Variants in RGS7 observed in about 807,000 individuals in gnomAD.
The protein encoded by RGS7 is regulator of G protein signaling 7, also known as regulator of G-protein signaling 7.
RGS7 carries 27 observed loss-of-function variants against 81.1 expected under a neutral mutation model. That is an observed-to-expected ratio of 0.33 (90% CI 0.25 to 0.46). The LOEUF (loss-of-function observed/expected upper bound fraction) is 0.46. Ranked by LOEUF, RGS7 falls within the 20% of genes least tolerant of loss-of-function variation. The pLI is 1.00. For missense variants in RGS7, 396 were observed against 607.4 expected (o/e 0.65, Z 3.66); for synonymous variants, 208 against 207.7 (o/e 1.00, Z -0.01).
At chr1:240,968,740 G>A (rs1682741577) in intron 4 of RGS7, among the ~76,000 whole-genome samples, 1 of 152,042 alleles carries the variant, frequency 6.6e-6, no homozygotes, top group African/African-American at 2.4e-5. Context: ...ATGAAGAGAT[G>A]GATATGTTCC....
intron 2 of RGS7, among the ~76,000 whole-genome samples, chr1:241,102,320 C>A (rs1196294829): frequency 2.6e-5 from 4 of 151,966 alleles, no homozygotes; most frequent in Non-Finnish European, 5.9e-5. Context: ...CTGAAGGGAC[C>A]CCCTCTTGGC....
chr1:241,126,013 C>A (rs1424682323), intron 2 of RGS7, among the ~76,000 whole-genome samples: 2 of 152,098 alleles, frequency 1.3e-5, no homozygotes, highest in Non-Finnish European at 2.9e-5. Context: ...AGCTAAGCTG[C>A]GACCTGGAGT....
chr1:241,229,708 G>A (rs948303430), intron 2 of RGS7, among the ~76,000 whole-genome samples: 4 of 152,184 alleles, frequency 2.6e-5, no homozygotes, highest in East Asian at 3.8e-4. Context: ...TTTATCATCC[G>A]AAATGAACTT....
chr1:240,917,968 TCAGA>T (rs2148285902), intron 6 of RGS7, among the ~76,000 whole-genome samples: 1 of 152,316 alleles, frequency 6.6e-6, no homozygotes, highest in African/African-American at 2.4e-5. Context: ...TAAATTAATT[TCAGA>T]CAAAGACTCT....
At chr1:241,250,250 A>C (rs1422128995) in intron 2 of RGS7, among the ~76,000 whole-genome samples, 1 of 152,136 alleles carries the variant, frequency 6.6e-6, no homozygotes, top group Non-Finnish European at 1.5e-5. Flanking sequence ...TTTAATATCT[A>C]AATCATTTTT....
At chr1:241,229,034 T>C (rs2075489278) in intron 2 of RGS7, among the ~76,000 whole-genome samples, 1 of 148,186 alleles carries the variant, frequency 6.7e-6, no homozygotes, top group South Asian at 2.1e-4. Flanking sequence ...TTTTTGTAAG[T>C]CTAAAATTAG....
intron 6 of RGS7, among the ~76,000 whole-genome samples, chr1:240,898,106 T>C (rs1252744187): frequency 6.6e-6 from 1 of 152,200 alleles, no homozygotes; most frequent in Non-Finnish European, 1.5e-5. Flanking sequence ...GTAGTTTGTA[T>C]TTCTGTGGGA....
At chr1:240,912,833 G>A (rs995450615) in intron 6 of RGS7, among the ~76,000 whole-genome samples, 4 of 152,056 alleles carry the variant, frequency 2.6e-5, no homozygotes, top group African/African-American at 7.2e-5. Flanking sequence ...GTAAAGACAC[G>A]AAATAAAACA....
At chr1:240,982,892 T>C (rs1230651496) in intron 4 of RGS7, among the ~76,000 whole-genome samples, 187 bp downstream of exon 4, 1 of 152,190 alleles carries the variant, frequency 6.6e-6, no homozygotes, top group African/African-American at 2.4e-5. Context: ...TGTACAAATA[T>C]GCTAACTTTC....
At chr1:240,909,918 C>T (rs946668111) in intron 6 of RGS7, among the ~76,000 whole-genome samples, 4 of 152,040 alleles carry the variant, frequency 2.6e-5, no homozygotes, top group Admixed American at 1.3e-4. Context: ...AATTAAACAC[C>T]GAGCCACCTG....
At chr1:241,216,727 A>G (rs1489202618) in intron 2 of RGS7, among the ~76,000 whole-genome samples, 1 of 152,216 alleles carries the variant, frequency 6.6e-6, no homozygotes, top group Non-Finnish European at 1.5e-5. Context: ...GGAAAGAGAT[A>G]TAATCCTGGG....
At chr1:241,217,856 C>A (rs1388246164) in intron 2 of RGS7, among the ~76,000 whole-genome samples, 1 of 152,204 alleles carries the variant, frequency 6.6e-6, no homozygotes, top group Non-Finnish European at 1.5e-5. Context: ...AAAGAATTCT[C>A]TCTTGCAGGA....
At chr1:240,924,196 T>G (rs1442177672) in intron 6 of RGS7, among the ~76,000 whole-genome samples, 4 of 152,194 alleles carry the variant, frequency 2.6e-5, no homozygotes, top group Non-Finnish European at 5.9e-5. Context: ...CTACAATTGC[T>G]GTGGTTGGCC....
intron 9 of RGS7, among the ~76,000 whole-genome samples, chr1:240,848,031 C>A (rs1336237704): frequency 6.6e-6 from 1 of 152,066 alleles, no homozygotes; most frequent in South Asian, 2.1e-4. Flanking sequence ...AACAAATACA[C>A]TAAAATAGGG....
chr1:241,098,657 C>T lies in RGS7; in HGVS notation c.175+9G>A. The T allele has an allele frequency of 6.3e-7, 1 of 1,590,612 alleles. No homozygotes were observed. Among genetic ancestry groups the T allele is most frequent in the Non-Finnish European group, 8.6e-7 (1 of 1,158,910 alleles). ...GGAGAAAACAGAACTGTGCTCCATG[C>T]AGACTTACCAGAGAAGACGCTAGGT... On this transcript the variant is annotated intron_variant, in intron 3 of 18. Transcript: ENST00000440928.
At chr1:240,851,268 T>C (rs1465421253) in intron 9 of RGS7, among the ~76,000 whole-genome samples, 2 of 152,206 alleles carry the variant, frequency 1.3e-5, no homozygotes, top group African/African-American at 4.8e-5. Context: ...ATAAGAATTA[T>C]GCTAAATCTA....
intron 3 of RGS7, among the ~76,000 whole-genome samples, chr1:241,066,805 G>C (rs958066524): frequency 6.6e-5 from 10 of 152,192 alleles, no homozygotes; most frequent in African/African-American, 2.4e-4. Context: ...ATGTTCAGGT[G>C]ACACTGACCT....
intron 2 of RGS7, among the ~76,000 whole-genome samples, chr1:241,278,158 T>G (rs751548262): frequency 3.3e-5 from 5 of 152,218 alleles, no homozygotes; most frequent in Admixed American, 1.3e-4. Flanking sequence ...TCGTATTTTT[T>G]TCTTCTACTT....
intron 2 of RGS7, among the ~76,000 whole-genome samples, chr1:241,226,620 T>G (rs1365565287): frequency 6.6e-6 from 1 of 152,190 alleles, no homozygotes; most frequent in East Asian, 1.9e-4. Context: ...ATGGACTGAT[T>G]CCATTACAAT....
Sources: allele counts gnomAD v4.1 joint callset (sites outside exome capture counted in the v4.1 genomes callset), GRCh38; gene constraint gnomAD v4.1.1; transcripts MANE v1.5; gene names NCBI Gene and HGNC (gene_info 2026-07-23, HGNC 2026-07-21).